Variants in CNBD2 observed in about 807,000 individuals in gnomAD.
The protein encoded by CNBD2 is cyclic nucleotide binding domain containing 2.
A neutral mutation model predicts 63.7 loss-of-function variants in CNBD2; 64 were observed. That is an observed-to-expected ratio of 1.00 (90% CI 0.82 to 1.24). The LOEUF is 1.24. Among genes scored for constraint, CNBD2 ranks in the 50% most tolerant of loss-of-function variants. CNBD2 has a pLI of 0.00. For synonymous variants in CNBD2, 229 were observed against 255.4 expected (o/e 0.90, Z 0.99); for missense variants, 691 against 713.5 (o/e 0.97, Z 0.36).
At chr20:36,022,202 T>TTTTTC (rs2057223296) in intron 10 of CNBD2, among the ~76,000 whole-genome samples, 1 of 122,070 alleles carries the variant, frequency 8.2e-6, no homozygotes, top group Non-Finnish European at 1.7e-5. Flanking sequence ...TTTCTTTTTT[T>TTTTTC]TTTTTTTTTT....
At chr20:35,976,959 G>T (rs2056529082) in intron 3 of CNBD2, among the ~76,000 whole-genome samples, 1 of 152,068 alleles carries the variant, frequency 6.6e-6, no homozygotes, top group Admixed American at 6.6e-5. Context: ...TCTGTTGCTT[G>T]CCTCTCCTGG....
chr20:36,020,652 C>T (rs1023810701), intron 10 of CNBD2, among the ~76,000 whole-genome samples: 3 of 152,178 alleles, frequency 2.0e-5, no homozygotes, highest in African/African-American at 7.2e-5. Flanking sequence ...ATAACCCCCA[C>T]ATGCTAGGAT....
At chr20:36,007,682 C>T (rs1337702791) in intron 8 of CNBD2, among the ~76,000 whole-genome samples, 3 of 152,162 alleles carry the variant, frequency 2.0e-5, no homozygotes, top group African/African-American at 7.2e-5. Flanking sequence ...ACCAGCATGC[C>T]TGGCTAATTC....
At chr20:36,019,362 C>G (rs2057176706) in intron 10 of CNBD2, among the ~76,000 whole-genome samples, 1 of 151,006 alleles carries the variant, frequency 6.6e-6, no homozygotes, top group African/African-American at 2.4e-5. Context: ...CCGTCTCTAC[C>G]AAAAACAAAA....
chr20:35,959,378 G>A (rs1269222761), downstream of CNBD2: 3 of 152,182 alleles, frequency 2.0e-5, no homozygotes, highest in East Asian at 3.9e-4. Flanking sequence ...CCAAGACTGG[G>A]TAATTTATAA....
downstream of CNBD2, among the ~76,000 whole-genome samples, chr20:35,958,302 G>A (rs1422859831): frequency 6.6e-6 from 1 of 152,092 alleles, no homozygotes; most frequent in Non-Finnish European, 1.5e-5. Context: ...CATGGTGGCA[G>A]GTACCTGTAA....
intron 8 of CNBD2, among the ~76,000 whole-genome samples, 159 bp from the exon 9 acceptor site, chr20:36,008,138 A>ACTG (rs2057009141): frequency 6.6e-6 from 1 of 151,810 alleles, no homozygotes; most frequent in Non-Finnish European, 1.5e-5. Flanking sequence ...GGGACATTAC[A>ACTG]TGGAGGCCAC....
intron 8 of CNBD2, among the ~76,000 whole-genome samples, chr20:36,000,510 G>A (rs565103317): frequency 6.6e-6 from 1 of 151,968 alleles, no homozygotes; most frequent in East Asian, 1.9e-4. Context: ...CTGAATAGCC[G>A]GGACTACAGG....
At chr20:35,999,560 C>G (rs2590960) in intron 8 of CNBD2, among the ~76,000 whole-genome samples, 5,390 of 152,136 alleles carry the variant, frequency 0.035, 330 homozygotes, top group African/African-American at 0.12. Context: ...CAGAATCTTA[C>G]AATGATATAT....
At chr20:35,981,347 A>T (rs2056597036) in intron 4 of CNBD2, among the ~76,000 whole-genome samples, 1 of 152,130 alleles carries the variant, frequency 6.6e-6, no homozygotes, top group Non-Finnish European at 1.5e-5. Flanking sequence ...GTGCTCCCTC[A>T]TCTTCAAAAT....
intron 7 of CNBD2, among the ~76,000 whole-genome samples, chr20:35,993,867 CTTTTT>C (rs58873487): frequency 1.2e-5 from 1 of 86,474 alleles, no homozygotes; most frequent in African/African-American, 4.8e-5. Flanking sequence ...TTCAGCTAAT[CTTTTT>C]TTTTTTTTTT....
intron 2 of CNBD2, among the ~76,000 whole-genome samples, chr20:35,962,359 C>T (rs917488147): frequency 1.7e-4 from 26 of 151,172 alleles, no homozygotes; most frequent in Non-Finnish European, 3.7e-4. Context: ...CCTGGGTTCA[C>T]GCCATTCTCC....
At chr20:36,022,156 C>T (rs576907622) in intron 10 of CNBD2, among the ~76,000 whole-genome samples, 32 of 146,960 alleles carry the variant, frequency 2.2e-4, no homozygotes, top group African/African-American at 6.8e-4. Context: ...TTACAGGCAC[C>T]GGCCACCATC....
At chr20:35,964,003 A>T (rs1483555835), upstream of CNBD2, among the ~76,000 whole-genome samples, 1 of 152,178 alleles carries the variant, frequency 6.6e-6, no homozygotes, top group Non-Finnish European at 1.5e-5. Flanking sequence ...TTAAACCAAA[A>T]CACTATGCAG....
At chr20:36,011,407 C>A in intron 10 of CNBD2, 150 bp downstream of exon 10, 1 of 1,054,830 alleles carries the variant, frequency 9.5e-7, no homozygotes, top group Non-Finnish European at 1.2e-6. Context: ...TAAGAATAGG[C>A]CGGGCGCGGT....
At position 36,030,486 on chromosome 20, in the gene CNBD2, G is replaced by A; in HGVS notation, c.1569G>A (p.Glu523=). 1 of 1,613,628 alleles carries A rather than the reference G, an allele frequency of 6.2e-7. No homozygotes were observed. Among genetic ancestry groups the A allele is most frequent in the Non-Finnish European group, 8.5e-7 (1 of 1,179,874 alleles). Residue 523 remains glutamate (E), a synonymous_variant, in exon 12 of 12, where the codon GAG becomes GAA. Coordinates refer to ENST00000373973, the MANE Select transcript of CNBD2 (RefSeq NM_001365709.1). Reference sequence around the variant, plus strand: ...CTCCAAACCGGCCCAAGAAGAGAGAGATCTACAACCCTAAGTCTGTGGTCC... The same window carrying A: ...CTCCAAACCGGCCCAAGAAGAGAGAAATCTACAACCCTAAGTCTGTGGTCC... ...LFTPNRPKKR[E]IYNPKSVVLD... is the part of the protein sequence containing the mutation.
chr20:36,003,294 A>G (rs1414026167), intron 8 of CNBD2, among the ~76,000 whole-genome samples: 2 of 152,040 alleles, frequency 1.3e-5, no homozygotes, highest in Non-Finnish European at 2.9e-5. Context: ...CATATAGTTT[A>G]TATTTTCCTA....
intron 10 of CNBD2, among the ~76,000 whole-genome samples, chr20:36,016,607 T>C (rs1481855641): frequency 6.6e-6 from 1 of 151,936 alleles, no homozygotes; most frequent in Non-Finnish European, 1.5e-5. Flanking sequence ...CTGGCCAACA[T>C]GGTGAAACCC....
intron 1 of CNBD2, among the ~76,000 whole-genome samples, chr20:35,971,058 C>T (rs2056408878): frequency 1.3e-5 from 2 of 150,686 alleles, no homozygotes; most frequent in Admixed American, 6.6e-5. Context: ...CGCCATTCTC[C>T]TGCCTCAGCC....
Sources: gnomAD v4.1 joint callset for allele counts (sites outside exome capture counted in the v4.1 genomes callset) on GRCh38, gnomAD v4.1.1 for gene constraint, MANE v1.5 for transcripts, NCBI Gene and HGNC (gene_info 2026-07-23, HGNC 2026-07-21) for gene names.